The following ST6GALNAC3 variants were observed in gnomAD, a reference collection of about 807,000 sequenced individuals.
ST6GALNAC3 encodes ST6 N-acetylgalactosaminide alpha-2,6-sialyltransferase 3.
In ST6GALNAC3, 25 loss-of-function variants were observed where a neutral mutation model predicts 32.7. The ratio of observed to expected loss-of-function variants is 0.76; its 90% confidence interval spans 0.56 to 1.07. The LOEUF is 1.07. ST6GALNAC3 is among the 50% of genes least tolerant of loss of function. The probability of loss-of-function intolerance (pLI) is 0.00; values close to 1 mark genes in which losing one functional copy is unlikely to be tolerated. For missense variants in ST6GALNAC3, 355 were observed against 382.4 expected (o/e 0.93, Z 0.60); for synonymous variants, 129 against 133.1 (o/e 0.97, Z 0.21).
At position 76,294,795 on chromosome 1, in the gene ST6GALNAC3, T is replaced by A. The variant is rs149904514; in HGVS notation, c.19-19010T>A. Among the ~76,000 whole-genome samples the A allele has an allele frequency of 7.9e-5, 12 of 152,236 alleles. No homozygotes were observed. The East Asian group carries it at 1.9e-3, about 24-fold the overall frequency. ...TGTTGTTAGCTGCTGCGTTTAGGCA[T>A]ATAATTTATGTGAAGTTAATGCACT... On this transcript the variant is annotated intron_variant, in intron 1 of 4. Coordinates refer to ENST00000328299, the MANE Select transcript of ST6GALNAC3 (RefSeq NM_152996.4).
At chr1:76,570,412 C>T (rs1190919342) in intron 3 of ST6GALNAC3, among the ~76,000 whole-genome samples, 5 of 151,892 alleles carry the variant, frequency 3.3e-5, no homozygotes, top group Admixed American at 6.6e-5. Flanking sequence ...CTCTGTACTC[C>T]ATGCAGCATG....
At chr1:76,597,329 AC>A (rs1003592925) in intron 3 of ST6GALNAC3, among the ~76,000 whole-genome samples, 2 of 152,122 alleles carry the variant, frequency 1.3e-5, no homozygotes, top group Non-Finnish European at 2.9e-5. Flanking sequence ...CCTGGTAATG[AC>A]AGTGGTGAGT....
At chr1:76,364,313 C>T (rs1410974380) in intron 2 of ST6GALNAC3, among the ~76,000 whole-genome samples, 1 of 152,140 alleles carries the variant, frequency 6.6e-6, no homozygotes, top group Admixed American at 6.5e-5. Flanking sequence ...CTTTGGGAGG[C>T]TGAGGTGGGT....
intron 1 of ST6GALNAC3, among the ~76,000 whole-genome samples, chr1:76,223,311 G>C (rs1216936926): frequency 6.6e-6 from 1 of 152,130 alleles, no homozygotes; most frequent in Non-Finnish European, 1.5e-5. Flanking sequence ...CCCGAATACT[G>C]TATGTTCTCT....
At chr1:76,367,185 AT>A (rs1229050520) in intron 2 of ST6GALNAC3, among the ~76,000 whole-genome samples, 13 of 152,226 alleles carry the variant, frequency 8.5e-5, no homozygotes, top group Non-Finnish European at 1.9e-4. Context: ...ATAGTAAACT[AT>A]ATGTGAAATT....
intron 3 of ST6GALNAC3, among the ~76,000 whole-genome samples, chr1:76,617,553 G>T (rs1648381093): frequency 6.6e-6 from 1 of 152,184 alleles, no homozygotes; most frequent in Admixed American, 6.5e-5. Context: ...ATGATTTTAA[G>T]ATAAGTTGAA....
At chr1:76,423,437 A>G (rs983039046) in intron 3 of ST6GALNAC3, among the ~76,000 whole-genome samples, 1 of 151,938 alleles carries the variant, frequency 6.6e-6, no homozygotes, top group Non-Finnish European at 1.5e-5. Context: ...TTTTTTATGA[A>G]GAAGGTGGTA....
At chr1:76,470,652 A>C (rs945543272) in intron 3 of ST6GALNAC3, among the ~76,000 whole-genome samples, 2 of 151,962 alleles carry the variant, frequency 1.3e-5, no homozygotes, top group African/African-American at 4.8e-5. Context: ...AGGGGGGAAA[A>C]ATCCAGGGTT....
chr1:76,433,145 C>G (rs1010746841), intron 3 of ST6GALNAC3, among the ~76,000 whole-genome samples: 1 of 152,030 alleles, frequency 6.6e-6, no homozygotes, highest in African/African-American at 2.4e-5. Context: ...TTTGAGACAG[C>G]CTGATTTGAT....
intron 1 of ST6GALNAC3, among the ~76,000 whole-genome samples, chr1:76,238,239 T>C (rs1656768511): frequency 6.6e-6 from 1 of 152,214 alleles, no homozygotes; most frequent in African/African-American, 2.4e-5. Context: ...TCTCTACATA[T>C]CCTGCCGTGC....
At chr1:76,611,666 G>A (rs981149650) in intron 3 of ST6GALNAC3, among the ~76,000 whole-genome samples, 2 of 152,102 alleles carry the variant, frequency 1.3e-5, no homozygotes, top group African/African-American at 4.8e-5. Flanking sequence ...CTTATTAAAT[G>A]CTATTTTTTC....
intron 3 of ST6GALNAC3, among the ~76,000 whole-genome samples, chr1:76,499,139 ATATAGT>A (rs1243079108): frequency 2.0e-5 from 3 of 152,214 alleles, no homozygotes; most frequent in African/African-American, 7.2e-5. Context: ...GCTTAAACTT[ATATAGT>A]TAAAGAAATG....
intron 1 of ST6GALNAC3, among the ~76,000 whole-genome samples, chr1:76,231,417 C>T (rs574065438): frequency 8.5e-5 from 13 of 152,256 alleles, no homozygotes; most frequent in Admixed American, 4.6e-4. Flanking sequence ...AGTATATTCA[C>T]ATTGTTGTAC....
intron 3 of ST6GALNAC3, among the ~76,000 whole-genome samples, chr1:76,548,919 A>C (rs927715556): frequency 2.0e-5 from 3 of 152,160 alleles, no homozygotes; most frequent in African/African-American, 7.2e-5. Context: ...CCCAGCCTTT[A>C]GTGCCCTGTG....
chr1:76,597,864 G>A (rs1647162709), intron 3 of ST6GALNAC3, among the ~76,000 whole-genome samples: 1 of 152,082 alleles, frequency 6.6e-6, no homozygotes, highest in Admixed American at 6.6e-5. Context: ...TCTTGGCTCT[G>A]TCTGGGATGT....
intron 2 of ST6GALNAC3, among the ~76,000 whole-genome samples, chr1:76,347,395 C>A (rs1425054344): frequency 1.3e-5 from 2 of 152,042 alleles, no homozygotes; most frequent in African/African-American, 4.8e-5. Flanking sequence ...ATCTCAGTTT[C>A]TTGCATTCTC....
intron 3 of ST6GALNAC3, among the ~76,000 whole-genome samples, chr1:76,525,953 T>C (rs1190841574): frequency 6.6e-6 from 1 of 150,992 alleles, no homozygotes; most frequent in Non-Finnish European, 1.5e-5. Context: ...GGAAGCAGAC[T>C]CTCAAGTTCC....
chr1:76,298,958 G>A (rs569621619), intron 1 of ST6GALNAC3, among the ~76,000 whole-genome samples: 10 of 152,084 alleles, frequency 6.6e-5, no homozygotes, highest in Admixed American at 3.3e-4. Flanking sequence ...GCTGCCCTGC[G>A]TTGGTGAACT....
chr1:76,089,370 C>T (rs1257562266), intron 1 of ST6GALNAC3, among the ~76,000 whole-genome samples: 2 of 152,146 alleles, frequency 1.3e-5, no homozygotes, highest in East Asian at 1.9e-4. Context: ...GATTTTTAAA[C>T]AGAGTCCTTG....
Sources: allele counts gnomAD v4.1 joint callset (sites outside exome capture counted in the v4.1 genomes callset), GRCh38; gene constraint gnomAD v4.1.1; transcripts MANE v1.5; gene names NCBI Gene and HGNC (gene_info 2026-07-23, HGNC 2026-07-21).